The following LEMD1 variants were observed in gnomAD, a reference collection of about 807,000 sequenced individuals.
LEMD1 encodes the protein LEM domain containing 1.
LEMD1 carries 18 observed loss-of-function variants against 17.4 expected under a neutral mutation model. The ratio of observed to expected loss-of-function variants is 1.04; its 90% CI spans 0.72 to 1.54. The LOEUF is 1.54. Among genes scored for constraint, LEMD1 ranks in the 40% most tolerant of loss-of-function variants. The pLI, the probability that LEMD1 is intolerant of heterozygous loss-of-function variation, is 0.00. For missense variants in LEMD1, 195 were observed against 210.4 expected (o/e 0.93, Z 0.45); for synonymous variants, 88 against 77.8 (o/e 1.13, Z -0.69).
At chr1:205,405,847 G>T (rs562110937) in intron 4 of LEMD1, among the ~76,000 whole-genome samples, 9 of 151,152 alleles carry the variant, frequency 6.0e-5, no homozygotes, top group African/African-American at 2.2e-4. Flanking sequence ...TCTACTTTTG[G>T]TCTTTGATGA....
chr1:205,423,391 C>T (rs1041604337), upstream of LEMD1, among the ~76,000 whole-genome samples: 2 of 152,204 alleles, frequency 1.3e-5, no homozygotes, highest in Non-Finnish European at 2.9e-5. Flanking sequence ...GAGGCACAAG[C>T]ATTTTGTTTA....
chr1:205,392,586 G>C (rs1664395243), intron 4 of LEMD1, among the ~76,000 whole-genome samples: 1 of 151,624 alleles, frequency 6.6e-6, no homozygotes, highest in South Asian at 2.1e-4. Flanking sequence ...CCAAAATATG[G>C]ACTCAATGGC....
intron 1 of LEMD1, among the ~76,000 whole-genome samples, chr1:205,446,995 G>A (rs1666401382): frequency 6.6e-6 from 1 of 152,220 alleles, no homozygotes; most frequent in Non-Finnish European, 1.5e-5. Flanking sequence ...ATTGGAGTTG[G>A]GCCACGGGGC....
chr1:205,449,029 T>C (rs1389001030), intron 1 of LEMD1, among the ~76,000 whole-genome samples: 1 of 152,078 alleles, frequency 6.6e-6, no homozygotes. Context: ...GAGTGAGATC[T>C]CTGTCTCCAG....
intron 1 of LEMD1, chr1:205,437,964 T>C (rs1157073700): frequency 6.6e-6 from 1 of 152,198 alleles, no homozygotes; most frequent in African/African-American, 2.4e-5. Context: ...TATATTTCTA[T>C]GAACCCATAT....
At chr1:205,442,082 G>C (rs1666304786) in intron 1 of LEMD1, among the ~76,000 whole-genome samples, 1 of 152,220 alleles carries the variant, frequency 6.6e-6, no homozygotes. Context: ...CCTATGGAAA[G>C]GGAGCAGAAG....
At chr1:205,430,076 A>T (rs1279150788) in intron 1 of LEMD1, among the ~76,000 whole-genome samples, 1 of 152,260 alleles carries the variant, frequency 6.6e-6, no homozygotes, top group Non-Finnish European at 1.5e-5. Flanking sequence ...TCTGTCTCAA[A>T]TCCCACTGCC....
intron 4 of LEMD1, among the ~76,000 whole-genome samples, chr1:205,401,070 C>T (rs1433318030): frequency 6.6e-6 from 1 of 151,450 alleles, no homozygotes; most frequent in Non-Finnish European, 1.5e-5. Flanking sequence ...TGTATATGTG[C>T]CACATTTTCT....
intron 5 of LEMD1, among the ~76,000 whole-genome samples, chr1:205,383,545 T>C (rs1276365822): frequency 2.6e-5 from 4 of 152,204 alleles, no homozygotes; most frequent in Non-Finnish European, 4.4e-5. Flanking sequence ...AATAGGTTAT[T>C]GTTAACTAAA....
intron 1 of LEMD1, among the ~76,000 whole-genome samples, chr1:205,438,715 G>A (rs1666247184): frequency 6.6e-6 from 1 of 152,136 alleles, no homozygotes; most frequent in Non-Finnish European, 1.5e-5. Flanking sequence ...TGGAGGCAGA[G>A]GACAACTGGA....
intron 4 of LEMD1, among the ~76,000 whole-genome samples, chr1:205,390,693 A>G (rs1407666566): frequency 6.6e-6 from 1 of 152,234 alleles, no homozygotes; most frequent in East Asian, 1.9e-4. Context: ...TACACCAGTA[A>G]CAATTTAAAA....
intron 1 of LEMD1, among the ~76,000 whole-genome samples, chr1:205,427,308 G>A (rs1000507508): frequency 6.6e-6 from 1 of 151,906 alleles, no homozygotes; most frequent in Admixed American, 6.6e-5. Flanking sequence ...TGACAACATG[G>A]CTCTGGGGTC....
chr1:205,404,603 G>A (rs555432418), intron 4 of LEMD1, among the ~76,000 whole-genome samples: 111 of 152,252 alleles, frequency 7.3e-4, no homozygotes, highest in Non-Finnish European at 1.4e-3. Context: ...GTCTCTGCAC[G>A]TGAGATGGGT....
At chr1:205,449,951 A>G (rs1306429542), upstream of LEMD1, 1 of 151,892 alleles carries the variant, frequency 6.6e-6, no homozygotes, top group Non-Finnish European at 1.5e-5. Flanking sequence ...CCAGGCAGCC[A>G]CTCACTCCTC....
intron 4 of LEMD1, among the ~76,000 whole-genome samples, chr1:205,400,670 A>G (rs549753208): frequency 6.6e-6 from 1 of 152,172 alleles, no homozygotes; most frequent in East Asian, 1.9e-4. Context: ...AGCATCTTTT[A>G]TTATAGTATT....
intron 4 of LEMD1, among the ~76,000 whole-genome samples, chr1:205,411,674 A>G (rs200982875): frequency 0.026 from 1,109 of 43,188 alleles, 9 homozygotes; most frequent in African/African-American, 0.052. Context: ...AAGAAAGAAA[A>G]GAAAGAAAGA....
At chr1:205,413,587 C>CTT (rs781477988) in intron 4 of LEMD1, among the ~76,000 whole-genome samples, 9 of 72,500 alleles carry the variant, frequency 1.2e-4, no homozygotes, top group East Asian at 3.6e-4. Flanking sequence ...CCATGCCCAA[C>CTT]TTTTTTTTTT....
At chr1:205,399,940 C>T (rs563477424) in intron 4 of LEMD1, among the ~76,000 whole-genome samples, 1 of 152,328 alleles carries the variant, frequency 6.6e-6, no homozygotes, top group East Asian at 1.9e-4. Context: ...CTGATTCAGG[C>T]AGAGTGCTCT....
intron 4 of LEMD1, among the ~76,000 whole-genome samples, chr1:205,394,973 T>C (rs1403191651): frequency 6.6e-6 from 1 of 150,710 alleles, no homozygotes; most frequent in East Asian, 2.0e-4. Context: ...GGTGACACAG[T>C]GAGACTCCTT....
Sources: gnomAD v4.1 joint callset for allele counts (sites outside exome capture counted in the v4.1 genomes callset) on GRCh38, gnomAD v4.1.1 for gene constraint, MANE v1.5 for transcripts, NCBI Gene and HGNC (gene_info 2026-07-23, HGNC 2026-07-21) for gene names.